The following DCTN5 variants were observed in gnomAD, a reference collection of about 807,000 sequenced individuals.
The protein encoded by DCTN5 is dynactin 4.
In DCTN5, 14 loss-of-function variants were observed where a neutral mutation model predicts 23.5. That is an observed-to-expected ratio of 0.60 (90% confidence interval 0.39 to 0.93). The LOEUF (loss-of-function observed/expected upper bound fraction) is 0.93, where lower values mean the gene tolerates loss of function less well. Among genes scored for constraint, DCTN5 ranks in the 40% least tolerant of loss-of-function variants. DCTN5 has a pLI of 0.00. For synonymous variants in DCTN5, 67 were observed against 79.6 expected (o/e 0.84, Z 0.84); for missense variants, 156 against 225.9 (o/e 0.69, Z 1.98).
intron 5 of DCTN5, chr16:23,666,839 CTT>C (rs1967915377): frequency 1.4e-6 from 1 of 695,668 alleles, no homozygotes. Context: ...GAAGGAGAGA[CTT>C]TTGTTTAGTA....
rs767626686 is a variant in DCTN5 at position 23,673,556 on chromosome 16, G to A, written c.*6412G>A. On this transcript the variant is annotated 3_prime_UTR_variant, in exon 6 of 6. Coordinates refer to ENST00000300087, the MANE Select transcript of DCTN5 (RefSeq NM_032486.4). The stretch of plus-strand genomic sequence containing the variant: ...ACATACCTTAGCTGGACGCAGTGGC[G>A]TGCGCCTGTAGTCCCAGCTACTCAT... 9.9e-5 allele frequency: 15 copies of A among 152,208 alleles called. No homozygotes were observed. Among genetic ancestry groups the A allele is most frequent in the African/African-American group, 2.4e-4 (10 of 41,450 alleles). 9.4% of individuals were successfully genotyped at this position (152,208 alleles called of 1,614,324 possible). A position where few individuals can be genotyped will look rare whatever the true frequency, so the allele number is the denominator to read the frequency against.
Position 23,665,672 on chromosome 16 carries a change from CAG to C in DCTN5, c.396_397del (p.Val133IlefsTer34). 6.2e-7 allele frequency: 1 copy of C among 1,614,180 alleles called. No homozygotes were observed. ...GACTGCTGCAAAATTCTTGACAACA[CAG>C]TATTACCTCCAGAAACTGTGGTTCC... On this transcript the variant is annotated frameshift_variant, in exon 5 of 6. Transcript: ENST00000300087. LOFTEE classifies it high-confidence loss of function.
At chr16:23,664,294 GGGAAATTCAGAGCCACT>G (rs1967867581) in intron 4 of DCTN5, among the ~76,000 whole-genome samples, 1 of 152,200 alleles carries the variant, frequency 6.6e-6, no homozygotes, top group Non-Finnish European at 1.5e-5. Flanking sequence ...TCAGCCACTT[GGGAAATTCAGAGCCACT>G]TAGGAAATTC....
chr16:23,667,830 T>G lies in DCTN5; in HGVS notation c.*686T>G, dbSNP rs945915805. ...AAGTGGGGACCTCAGTATCCCAGAT[T>G]GTAATTTTGCCAAGTGTTAGATTTG... On this transcript the variant is annotated 3_prime_UTR_variant, in exon 6 of 6. Coordinates refer to ENST00000300087, the MANE Select transcript of DCTN5 (RefSeq NM_032486.4). 1 of 152,308 alleles carries G rather than the reference T, an allele frequency of 6.6e-6. No homozygotes were observed. Among genetic ancestry groups the G allele is most frequent in the African/African-American group, 2.4e-5 (1 of 41,462 alleles). 9.4% of individuals were successfully genotyped at this position (152,308 alleles called of 1,614,324 possible). A position where few individuals can be genotyped will look rare whatever the true frequency, so the allele number is the denominator to read the frequency against.
rs551039007 is a variant in DCTN5, at chr16:23,650,236, T to G, written c.117+7213T>G. 6.4e-4 allele frequency among the ~76,000 whole-genome samples: 98 copies of G among 152,302 alleles called. No individual in the cohort carries two copies. In the South Asian group the frequency reaches 0.017, roughly 27 times the overall value. On this transcript the variant is annotated intron_variant, in intron 2 of 5. Coordinates refer to ENST00000300087, the MANE Select transcript of DCTN5 (RefSeq NM_032486.4). ...TTTCTATTTTTGTGAAGAATCTCAT[T>G]GTTATCTTGTTAAGATTGCATTGAG...
rs563023287 is a variant in DCTN5 at position 23,663,010 on chromosome 16, G to T, written c.348+1729G>T. 2.0e-5 allele frequency among the ~76,000 whole-genome samples: 3 copies of T among 152,246 alleles called. No homozygotes were observed. In the South Asian group the frequency reaches 6.2e-4, roughly 32 times the overall value. ...ACTCGCTGAGCCTTGACAAATACTC[G>T]ATCTCAGGAGAGATTCTTTTAGAAT... is the stretch of plus-strand genomic sequence containing the variant. On this transcript the variant is annotated intron_variant, in intron 4 of 5. Transcript: ENST00000300087.
At chr16:23,642,184 C>T (rs550292215) in intron 1 of DCTN5, among the ~76,000 whole-genome samples, 185 of 152,292 alleles carry the variant, frequency 1.2e-3, no homozygotes, top group African/African-American at 4.3e-3. Flanking sequence ...CGACCCGCCT[C>T]GGCCTCCCAA....
intron 2 of DCTN5, among the ~76,000 whole-genome samples, chr16:23,649,935 C>T (rs145572846): frequency 6.6e-6 from 1 of 152,064 alleles, no homozygotes; most frequent in East Asian, 1.9e-4. Flanking sequence ...GCTGTTTTCC[C>T]AGCACCATTT....
At chr16:23,660,450 G>A (rs1347364651) in intron 3 of DCTN5, among the ~76,000 whole-genome samples, 3 of 152,216 alleles carry the variant, frequency 2.0e-5, no homozygotes, top group Non-Finnish European at 2.9e-5. Context: ...AGGAACCCTA[G>A]AGAACGGGAT....
chr16:23,657,886 A>C (rs532538780), intron 2 of DCTN5, among the ~76,000 whole-genome samples: 6 of 152,226 alleles, frequency 3.9e-5, no homozygotes, highest in Non-Finnish European at 7.3e-5. Flanking sequence ...CAACTCCAGC[A>C]TATGCACTTT....
intron 2 of DCTN5, among the ~76,000 whole-genome samples, chr16:23,645,115 A>C (rs1437940344): frequency 2.8e-5 from 1 of 35,356 alleles, no homozygotes; most frequent in East Asian, 8.2e-4. Flanking sequence ...ATATATATAT[A>C]TATATATATA....
rs901904518 is a variant in DCTN5, at chr16:23,672,668, T to G, written c.*5524T>G. On this transcript the variant is annotated 3_prime_UTR_variant, in exon 6 of 6. Coordinates refer to ENST00000300087, the MANE Select transcript of DCTN5 (RefSeq NM_032486.4). ...TTTGCCACCTGCTGGCTATAAACCT[T>G]GGTTGGGTAAGTAACCCAAGGTAAA... 1 of 152,216 alleles carries G rather than the reference T, an allele frequency of 6.6e-6. No individual in the cohort carries two copies. Among genetic ancestry groups the G allele is most frequent in the Non-Finnish European group, 1.5e-5 (1 of 68,042 alleles). The allele number at this position is 152,216 out of a possible 1,614,324, so 9.4% of individuals were successfully genotyped here. A position where few individuals can be genotyped will look rare whatever the true frequency, so the allele number is the denominator to read the frequency against.
chr16:23,667,625 C>T lies in DCTN5; in HGVS notation c.*481C>T. ...CACATTTGGCCAGTTGTTGCAGTTG[C>T]TCATCATCTTGGGAAAGGTGTTTGT... On this transcript the variant is annotated 3_prime_UTR_variant, in exon 6 of 6. Coordinates refer to ENST00000300087, the MANE Select transcript of DCTN5 (RefSeq NM_032486.4). 1 of 157,300 alleles carries T rather than the reference C, an allele frequency of 6.4e-6. No homozygotes were observed. The highest frequency in any genetic ancestry group is 1.4e-5 in the Non-Finnish European group (1 of 70,766). The allele number at this position is 157,300 out of a possible 1,614,324, so 9.7% of individuals were successfully genotyped here.
intron 2 of DCTN5, among the ~76,000 whole-genome samples, chr16:23,657,187 A>G (rs1967720757): frequency 1.3e-5 from 2 of 152,014 alleles, no homozygotes; most frequent in African/African-American, 2.4e-5. Flanking sequence ...TGCAGTGTCT[A>G]ATGCCTGCAA....
At chr16:23,659,497 GATAAA>G (rs1252675010) in intron 3 of DCTN5, among the ~76,000 whole-genome samples, 1 of 152,202 alleles carries the variant, frequency 6.6e-6, no homozygotes, top group Non-Finnish European at 1.5e-5. Context: ...TATAAAGATA[GATAAA>G]ATAAAATTCC....
intron 4 of DCTN5, among the ~76,000 whole-genome samples, chr16:23,663,043 T>G (rs1346566442): frequency 6.6e-6 from 1 of 152,194 alleles, no homozygotes; most frequent in Non-Finnish European, 1.5e-5. Context: ...AATTCTAGAA[T>G]CTCAGCACTG....
Position 23,670,734 on chromosome 16 carries a change from C to T in DCTN5, c.*3590C>T, listed in dbSNP as rs1967991193. The stretch of plus-strand genomic sequence containing the variant: ...CAGAACTGGTCTCAGCAAAATGTCT[C>T]GCCAACTTCTACAGTTCCCATAAGT... On this transcript the variant is annotated 3_prime_UTR_variant, in exon 6 of 6. Transcript: ENST00000300087. 2 of 152,202 alleles carry T rather than the reference C, an allele frequency of 1.3e-5. No homozygotes were observed. The highest frequency in any genetic ancestry group is 6.5e-5 in the Admixed American group (1 of 15,276). The allele number at this position is 152,202 out of a possible 1,614,324, so 9.4% of individuals were successfully genotyped here. A position where few individuals can be genotyped will look rare whatever the true frequency, so the allele number is the denominator to read the frequency against.
At chr16:23,648,044 A>T (rs535861424) in intron 2 of DCTN5, among the ~76,000 whole-genome samples, 1 of 152,296 alleles carries the variant, frequency 6.6e-6, no homozygotes, top group Non-Finnish European at 1.5e-5. Flanking sequence ...CTTATAAATT[A>T]TTTATTATTT....
chr16:23,655,704 C>A (rs765154126), intron 2 of DCTN5, among the ~76,000 whole-genome samples: 4 of 152,090 alleles, frequency 2.6e-5, no homozygotes, highest in Admixed American at 6.6e-5. Flanking sequence ...ACCACCACAT[C>A]TGGCTAATTT....
Sources: allele counts gnomAD v4.1 joint callset (sites outside exome capture counted in the v4.1 genomes callset), GRCh38; gene constraint gnomAD v4.1.1; transcripts MANE v1.5; gene names NCBI Gene and HGNC (gene_info 2026-07-23, HGNC 2026-07-21).